SGCG: variants seen among roughly 807,000 people sequenced by gnomAD.
The protein encoded by SGCG is sarcoglycan gamma.
A neutral mutation model predicts 29.3 loss-of-function variants in SGCG; 26 were observed. The ratio of observed to expected loss-of-function variants is 0.89; its 90% CI spans 0.65 to 1.23. The LOEUF (loss-of-function observed/expected upper bound fraction) is 1.23. SGCG is among the 50% of genes most tolerant of loss of function. The pLI, the probability that SGCG is intolerant of heterozygous loss-of-function variation, is 0.00. For missense variants in SGCG, 353 were observed against 356.0 expected, an observed-to-expected ratio of 0.99 and a Z score of 0.07; for synonymous variants, 145 against 129.7, an observed-to-expected ratio of 1.12 and a Z score of -0.80.
chr13:23,260,494 T>C (rs1406953176), intron 4 of SGCG, among the ~76,000 whole-genome samples: 1 of 152,204 alleles, frequency 6.6e-6, no homozygotes, highest in Admixed American at 6.5e-5. Flanking sequence ...CTTGACTCTT[T>C]ATCCAATTTG....
In SGCG at chr13:23,190,069, G is replaced by T. The variant is rs55920296; in HGVS notation, c.-1+8994G>T. ...AAAAGAATAAAAATATAAAATAAAC[G>T]TTTAAGTGTTTAATAATGAGGGGAA... is the stretch of plus-strand genomic sequence containing the variant. On this transcript the variant is annotated intron_variant, in intron 1 of 7. Transcript: ENST00000218867. Among the ~76,000 whole-genome samples the T allele has an allele frequency of 1.3e-4, 12 of 89,666 alleles. 1 individual carries two copies. In the South Asian group the frequency reaches 2.9e-3, roughly 21 times the overall value. 58.8% of individuals were successfully genotyped at this position (89,666 alleles called of 152,430 possible).
upstream of SGCG, among the ~76,000 whole-genome samples, chr13:23,177,939 C>T (rs577114060): frequency 1.3e-4 from 20 of 152,036 alleles, no homozygotes; most frequent in Middle Eastern, 3.4e-3. Context: ...GGGAGGTAAC[C>T]CTAGTCAAAG....
intron 5 of SGCG, among the ~76,000 whole-genome samples, chr13:23,285,065 C>G (rs1306932614): frequency 6.6e-6 from 1 of 152,156 alleles, no homozygotes; most frequent in Non-Finnish European, 1.5e-5. Context: ...GGAGGTGTCT[C>G]CCAGTCAGGA....
chr13:23,285,548 A>G (rs1328552488), intron 5 of SGCG, among the ~76,000 whole-genome samples: 1 of 152,200 alleles, frequency 6.6e-6, no homozygotes, highest in Non-Finnish European at 1.5e-5. Context: ...ACTAGGCTCC[A>G]TGGGGATGGG....
At chr13:23,199,107 C>CAAAAA (rs35004017) in intron 1 of SGCG, among the ~76,000 whole-genome samples, 1 of 137,604 alleles carries the variant, frequency 7.3e-6, no homozygotes. Flanking sequence ...GACTCCGTCT[C>CAAAAA]AAAAAAAAAA....
At chr13:23,229,817 G>A (rs1038927866) in intron 2 of SGCG, among the ~76,000 whole-genome samples, 3 of 152,160 alleles carry the variant, frequency 2.0e-5, no homozygotes, top group Non-Finnish European at 4.4e-5. Flanking sequence ...TTTGGCTTCT[G>A]TTGCAGTTGA....
chr13:23,232,867 A>G (rs1377700061), intron 2 of SGCG, among the ~76,000 whole-genome samples: 1 of 152,230 alleles, frequency 6.6e-6, no homozygotes. Context: ...AAAATAAAAT[A>G]CAGATAAAAA....
chr13:23,211,784 A>G (rs17371959), intron 2 of SGCG, among the ~76,000 whole-genome samples: 20,180 of 152,104 alleles, frequency 0.13, 1,649 homozygotes, highest in Middle Eastern at 0.18. Context: ...CTCTTGCTTC[A>G]GTGTTTTGGT....
the SGCG span, among the ~76,000 whole-genome samples, chr13:23,165,595 G>A: frequency 2.1e-3 from 316 of 151,554 alleles, 1 homozygote; most frequent in Middle Eastern, 6.8e-3. Flanking sequence ...CACTGTGTGC[G>A]TTCACTGCAA....
upstream of SGCG, among the ~76,000 whole-genome samples, chr13:23,179,633 AAAGTAG>A (rs1876665991): frequency 6.6e-6 from 1 of 152,220 alleles, no homozygotes. Flanking sequence ...CTGAATTCCC[AAAGTAG>A]AAGTACTAAT....
Position 23,305,683 on chromosome 13 carries a change from A to G in SGCG, c.578+10196A>G, listed in dbSNP as rs548523938. Among the ~76,000 whole-genome samples the G allele has an allele frequency of 9.2e-5, 14 of 152,286 alleles. No individual in the cohort carries two copies. The East Asian group carries it at 1.9e-3, about 21-fold the overall frequency. On this transcript the variant is annotated intron_variant, in intron 6 of 7. Coordinates refer to ENST00000218867, the MANE Select transcript of SGCG (RefSeq NM_000231.3). ...TGTTTTATAAAGAAAGCACATATCA[A>G]TTTCTATTTTGTGTTGAATGGGTAT...
chr13:23,192,574 T>C (rs1258690712), intron 1 of SGCG, among the ~76,000 whole-genome samples: 2 of 151,806 alleles, frequency 1.3e-5, no homozygotes, highest in East Asian at 3.9e-4. Context: ...TTTTGTATTT[T>C]TAGTAGAGAC....
At chr13:23,256,971 T>A (rs142123114) in intron 4 of SGCG, among the ~76,000 whole-genome samples, 5,285 of 152,272 alleles carry the variant, frequency 0.035, 261 homozygotes, top group African/African-American at 0.11. Flanking sequence ...TCCACAATGG[T>A]TGAACTAGTT....
intron 2 of SGCG, among the ~76,000 whole-genome samples, chr13:23,207,865 G>A (rs1023511554): frequency 6.6e-6 from 1 of 152,120 alleles, no homozygotes. Context: ...GCAAAATGGT[G>A]CAGCCACTAT....
At chr13:23,207,301 A>G (rs1171001321) in intron 2 of SGCG, among the ~76,000 whole-genome samples, 8 of 152,226 alleles carry the variant, frequency 5.3e-5, no homozygotes, top group Admixed American at 4.6e-4. Flanking sequence ...ATCTTAAACC[A>G]TACATAAAAA....
intron 2 of SGCG, among the ~76,000 whole-genome samples, chr13:23,223,158 G>T (rs1250199212): frequency 6.6e-6 from 1 of 151,484 alleles, no homozygotes; most frequent in African/African-American, 2.4e-5. Context: ...GGCGCCTGTA[G>T]TTCCAGCTAC....
chr13:23,320,749 A>T lies in SGCG; in HGVS notation c.691A>T (p.Ser231Cys). Reference sequence around the variant, plus strand: ...TCAAATGGATATTCTTTTTCATAGTAGTGATGGAATGGTGAGTTCATTCAC... The same window carrying T: ...TCAAATGGATATTCTTTTTCATAGTTGTGATGGAATGGTGAGTTCATTCAC... ...LSQMDILFHS[S>C]DGMLVLDAET... is the part of the protein sequence containing the mutation. Residue 231 changes from serine (S) to cysteine (C), a missense_variant, in exon 7 of 8, where the codon AGT becomes TGT. Ser to Cys is a moderately radical substitution (Grantham distance 112). Transcript: ENST00000218867. The T allele has an allele frequency of 6.2e-7, 1 of 1,613,722 alleles. No homozygotes were observed. Among genetic ancestry groups the T allele is most frequent in the Non-Finnish European group, 8.5e-7 (1 of 1,179,736 alleles).
chr13:23,305,758 C>T (rs978418357), intron 6 of SGCG, among the ~76,000 whole-genome samples: 1 of 152,160 alleles, frequency 6.6e-6, no homozygotes, highest in African/African-American at 2.4e-5. Flanking sequence ...TCATGTATGT[C>T]TCTTAGATAT....
chr13:23,266,787 C>T (rs1880658130), intron 4 of SGCG, among the ~76,000 whole-genome samples: 1 of 152,070 alleles, frequency 6.6e-6, no homozygotes, highest in Admixed American at 6.6e-5. Flanking sequence ...ATACCTGCTC[C>T]CTCTTTTCCT....
Sources: allele counts gnomAD v4.1 joint callset (sites outside exome capture counted in the v4.1 genomes callset), GRCh38; gene constraint gnomAD v4.1.1; transcripts MANE v1.5; gene names NCBI Gene and HGNC (gene_info 2026-07-23, HGNC 2026-07-21).